PLLP: variants seen among roughly 807,000 people sequenced by gnomAD.
PLLP encodes plasma membrane proteolipid (plasmolipin).
PLLP carries 15 observed loss-of-function variants against 19.7 expected under a neutral mutation model. The observed-to-expected ratio is 0.76, with a 90% CI of 0.51 to 1.17. The LOEUF is 1.17. Ranked by LOEUF, PLLP falls within the 50% of genes most tolerant of loss-of-function variation. The pLI is 0.00. For synonymous variants in PLLP, 111 were observed against 116.3 expected (o/e 0.95, Z 0.29); for missense variants, 255 against 258.3 (o/e 0.99, Z 0.09).
Position 57,258,519 on chromosome 16 carries a change from T to C in PLLP, c.375A>G (p.Ala125=), listed in dbSNP as rs770881577. ...YITAFIACSA[A]VDLTSLRGTR... ...TGCCCCTCAGGGATGTCAGGTCAACTGCCGCAGAGCAGGCGATGAAGGCGG... is the reference window on the plus strand; with the variant it reads ...TGCCCCTCAGGGATGTCAGGTCAACCGCCGCAGAGCAGGCGATGAAGGCGG... The change falls in exon 3 of 4, where the codon GCA becomes GCG. Residue 125 remains alanine (A), a synonymous_variant. Transcript: ENST00000219207. 2 of 1,613,320 alleles carry C rather than the reference T, an allele frequency of 1.2e-6. No individual in the cohort carries two copies. The highest frequency in any genetic ancestry group is 2.2e-5 in the South Asian group (2 of 91,070).
intron 1 of PLLP, among the ~76,000 whole-genome samples, chr16:57,279,544 T>G (rs1319340355): frequency 6.6e-6 from 1 of 152,054 alleles, no homozygotes; most frequent in Non-Finnish European, 1.5e-5. Flanking sequence ...CATTGTGGCA[T>G]GTACCTGTCG....
chr16:57,260,729 G>T (rs2075439443), intron 2 of PLLP, among the ~76,000 whole-genome samples: 1 of 152,106 alleles, frequency 6.6e-6, no homozygotes, highest in Non-Finnish European at 1.5e-5. Flanking sequence ...TGTCTGGCCG[G>T]GGTACTTCCC....
intron 1 of PLLP, among the ~76,000 whole-genome samples, chr16:57,269,411 G>C (rs2075467452): frequency 6.6e-6 from 1 of 152,192 alleles, no homozygotes; most frequent in South Asian, 2.1e-4. Flanking sequence ...TGAGGAAATT[G>C]GGGTACAGGG....
At chr16:57,259,842 T>A (rs1175168938) in intron 2 of PLLP, among the ~76,000 whole-genome samples, 1 of 151,972 alleles carries the variant, frequency 6.6e-6, no homozygotes, top group East Asian at 1.9e-4. Context: ...CCAAGAGTGA[T>A]GGTGCCCACC....
intron 1 of PLLP, among the ~76,000 whole-genome samples, chr16:57,279,061 T>C (rs1047538779): frequency 5.9e-5 from 9 of 152,342 alleles, no homozygotes; most frequent in South Asian, 4.1e-4. Context: ...GCACCTCTTA[T>C]GCTTGCATAA....
rs535415714 is a variant in PLLP at position 57,277,954 on chromosome 16, C to T, written c.135+6452G>A. The stretch of plus-strand genomic sequence containing the variant: ...TTTTTTTTCAAAGAATAAAACAATT[C>T]CATCAGTAGAGAAACAGCTAAATGA... On this transcript the variant is annotated intron_variant, in intron 1 of 3. Transcript: ENST00000219207. Among the ~76,000 whole-genome samples, 11 of 152,102 alleles carry T rather than the reference C, an allele frequency of 7.2e-5. No homozygotes were observed. The East Asian group carries it at 1.9e-3, about 27-fold the overall frequency.
rs138519005 is a variant in PLLP, at chr16:57,276,963, T to C, written c.135+7443A>G. Among the ~76,000 whole-genome samples the C allele has an allele frequency of 3.2e-3, 483 of 152,294 alleles. 3 individuals are homozygous for C. Among genetic ancestry groups the C allele is most frequent in the African/African-American group, 0.011 (446 of 41,556 alleles). On this transcript the variant is annotated intron_variant, in intron 1 of 3. Transcript: ENST00000219207. ...ACCACACAGTCACACCACAGCTGCATGGTGGAATACTATAGAAGCCATAAA... is the reference window on the plus strand; with the variant it reads ...ACCACACAGTCACACCACAGCTGCACGGTGGAATACTATAGAAGCCATAAA...
chr16:57,282,617 G>A (rs1309918528), intron 1 of PLLP, among the ~76,000 whole-genome samples: 4 of 151,930 alleles, frequency 2.6e-5, no homozygotes, highest in African/African-American at 9.7e-5. Context: ...AACCTCTTAA[G>A]GCCACCAACA....
Position 57,256,586 on chromosome 16 carries a change from G to A in PLLP, c.*327C>T. The A allele has an allele frequency of 3.2e-6, 1 of 316,366 alleles. No individual in the cohort carries two copies. The highest frequency in any genetic ancestry group is 5.9e-6 in the Non-Finnish European group (1 of 169,068). The allele number at this position is 316,366 out of a possible 1,614,324, so 19.6% of individuals were successfully genotyped here. On this transcript the variant is annotated 3_prime_UTR_variant, in exon 4 of 4. Coordinates refer to ENST00000219207, the MANE Select transcript of PLLP (RefSeq NM_015993.3). Reference sequence around the variant, plus strand: ...GTCCTTGTTAGTGCATTTAGTGCTGGTGAGAAGGGTGGGCCCCAGTCTTGG... The same window carrying A: ...GTCCTTGTTAGTGCATTTAGTGCTGATGAGAAGGGTGGGCCCCAGTCTTGG...
intron 3 of PLLP, among the ~76,000 whole-genome samples, chr16:57,258,057 CA>C (rs201128605): frequency 1.3e-5 from 2 of 151,180 alleles, no homozygotes; most frequent in Non-Finnish European, 2.9e-5. Flanking sequence ...ACTCCATCTC[CA>C]AAAAAAATAC....
intron 1 of PLLP, among the ~76,000 whole-genome samples, chr16:57,279,362 CTT>C (rs796106110): frequency 8.2e-5 from 11 of 134,158 alleles, no homozygotes; most frequent in Non-Finnish European, 7.7e-5. Flanking sequence ...CTTCTTCTTC[CTT>C]TTTTTTTTTT....
intron 1 of PLLP, among the ~76,000 whole-genome samples, chr16:57,266,864 T>C (rs774458207): frequency 0.015 from 1,258 of 82,038 alleles, 9 homozygotes; most frequent in Non-Finnish European, 0.022. Flanking sequence ...GCACAGGGCC[T>C]TTTTTTTTTT....
chr16:57,256,778 C>T lies in PLLP; in HGVS notation c.*135G>A, dbSNP rs147487039. The T allele has an allele frequency of 7.0e-3, 4,446 of 633,014 alleles. 38 individuals carry two copies. The highest frequency in any genetic ancestry group is 0.021 in the South Asian group (1,063 of 51,812). The allele number at this position is 633,014 out of a possible 1,614,324, so 39.2% of individuals were successfully genotyped here. ...TAGCGCTGTGAGAGCTTATGTCTGACGGGCAGAGAGGAGCAAATGCAGTCC... is the reference window on the plus strand; with the variant it reads ...TAGCGCTGTGAGAGCTTATGTCTGATGGGCAGAGAGGAGCAAATGCAGTCC... On this transcript the variant is annotated 3_prime_UTR_variant, in exon 4 of 4. Transcript: ENST00000219207.
intron 1 of PLLP, among the ~76,000 whole-genome samples, chr16:57,262,463 A>C (rs60864924): frequency 6.6e-6 from 1 of 151,944 alleles, no homozygotes; most frequent in Non-Finnish European, 1.5e-5. Context: ...GAGGCAGGAG[A>C]ATTGCTTGAA....
chr16:57,264,705 G>A (rs907503712), intron 1 of PLLP, among the ~76,000 whole-genome samples: 6 of 152,098 alleles, frequency 3.9e-5, no homozygotes, highest in Non-Finnish European at 8.8e-5. Flanking sequence ...AAAATTAGCC[G>A]AGTGTGGTGA....
chr16:57,263,166 T>G (rs1406942209), intron 1 of PLLP: 3 of 152,236 alleles, frequency 2.0e-5, no homozygotes, highest in African/African-American at 7.2e-5. Flanking sequence ...CTGGGTGACC[T>G]CCTGCCCAAC....
rs147122919 is a variant in PLLP, at chr16:57,276,888, G to A, written c.135+7518C>T. Reference sequence around the variant, plus strand: ...GGTGGCATTTCTTGCAGCAGGGTGCGCAACAGCAAAGGAATAGAAAACCCG... The same window carrying A: ...GGTGGCATTTCTTGCAGCAGGGTGCACAACAGCAAAGGAATAGAAAACCCG... On this transcript the variant is annotated intron_variant, in intron 1 of 3. Coordinates refer to ENST00000219207, the MANE Select transcript of PLLP (RefSeq NM_015993.3). Among the ~76,000 whole-genome samples the A allele has an allele frequency of 4.0e-3, 604 of 152,202 alleles. 2 individuals are homozygous for A. Among genetic ancestry groups the A allele is most frequent in the Middle Eastern group, 0.01 (3 of 294 alleles).
intron 1 of PLLP, among the ~76,000 whole-genome samples, chr16:57,273,511 G>A (rs1197930967): frequency 6.6e-6 from 1 of 152,192 alleles, no homozygotes; most frequent in Non-Finnish European, 1.5e-5. Context: ...ACAAACAGGA[G>A]AGACCAACCC....
At chr16:57,273,253 C>G (rs1486973277) in intron 1 of PLLP, among the ~76,000 whole-genome samples, 2 of 150,048 alleles carry the variant, frequency 1.3e-5, no homozygotes, top group African/African-American at 2.5e-5. Flanking sequence ...GAGCAAGACT[C>G]CATCTCAAAA....
Sources: allele counts gnomAD v4.1 joint callset (sites outside exome capture counted in the v4.1 genomes callset), GRCh38; gene constraint gnomAD v4.1.1; transcripts MANE v1.5; gene names NCBI Gene and HGNC (gene_info 2026-07-23, HGNC 2026-07-21).